The following ANK3 variants were observed in gnomAD, a reference collection of about 807,000 sequenced individuals.
ANK3 encodes ankyrin 3.
Under a neutral mutation model 370.9 loss-of-function variants are expected in ANK3, and 57 were observed. That is an observed-to-expected ratio of 0.15 (90% CI 0.12 to 0.19). The LOEUF is 0.19. Ranked by LOEUF, ANK3 falls within the 10% of genes least tolerant of loss-of-function variation. The probability of loss-of-function intolerance (pLI) is 1.00; values close to 1 mark genes in which losing one functional copy is unlikely to be tolerated. For missense variants in ANK3, 4,439 were observed against 5,302.1 expected (o/e 0.84, Z 5.06); for synonymous variants, 1,929 against 1,946.3 (o/e 0.99, Z 0.23).
chr10:60,387,558 G>T (rs2062565481), intron 1 of ANK3, among the ~76,000 whole-genome samples: 1 of 152,204 alleles, frequency 6.6e-6, no homozygotes, highest in East Asian at 1.9e-4. Context: ...CAACAGCAAT[G>T]AAAGTGTTAT....
chr10:60,106,302 A>C (rs1232482457), intron 27 of ANK3, among the ~76,000 whole-genome samples: 1 of 152,138 alleles, frequency 6.6e-6, no homozygotes, highest in East Asian at 1.9e-4. Flanking sequence ...ATAGGATTTA[A>C]TGGGGGAAAT....
At chr10:60,592,758 G>A (rs148259254) in intron 2 of ANK3, among the ~76,000 whole-genome samples, 1,570 of 152,070 alleles carry the variant, frequency 0.01, 33 homozygotes, top group African/African-American at 0.036. Context: ...GTGAGACTCC[G>A]TTTCAAAAAA....
intron 1 of ANK3, among the ~76,000 whole-genome samples, chr10:60,657,698 G>A (rs549125777): frequency 6.6e-6 from 1 of 152,162 alleles, no homozygotes; most frequent in South Asian, 2.1e-4. Flanking sequence ...TTCTGTAGTT[G>A]TGTGTCGTGT....
chr10:60,667,130 A>C (rs1214822923), intron 1 of ANK3, among the ~76,000 whole-genome samples: 3 of 149,802 alleles, frequency 2.0e-5, no homozygotes, highest in Admixed American at 1.3e-4. Flanking sequence ...ACACACACCA[A>C]TTTCTTCTTA....
At chr10:60,212,416 T>C (rs1304417308) in intron 9 of ANK3, among the ~76,000 whole-genome samples, 3 of 151,940 alleles carry the variant, frequency 2.0e-5, no homozygotes, top group African/African-American at 7.3e-5. Flanking sequence ...GCTTAGAAGA[T>C]AGCAGTGGAG....
At chr10:60,699,478 AC>A (rs1677263059) in intron 1 of ANK3, among the ~76,000 whole-genome samples, 1 of 152,078 alleles carries the variant, frequency 6.6e-6, no homozygotes, top group Non-Finnish European at 1.5e-5. Flanking sequence ...CAATTGTGCT[AC>A]TTATATAGAA....
At chr10:60,608,990 T>C (rs2078166451) in intron 2 of ANK3, among the ~76,000 whole-genome samples, 1 of 152,192 alleles carries the variant, frequency 6.6e-6, no homozygotes, top group Non-Finnish European at 1.5e-5. Context: ...TGATTTTCTA[T>C]GTTTTAGCAT....
At chr10:60,255,896 G>T (rs2097727663) in intron 7 of ANK3, among the ~76,000 whole-genome samples, 1 of 152,078 alleles carries the variant, frequency 6.6e-6, no homozygotes, top group African/African-American at 2.4e-5. Flanking sequence ...TCCTCACTGG[G>T]GCCCAGAGGT....
chr10:60,222,361 C>G (rs2097074826), intron 8 of ANK3, among the ~76,000 whole-genome samples: 1 of 151,180 alleles, frequency 6.6e-6, no homozygotes, highest in Non-Finnish European at 1.5e-5. Context: ...TGGGCAAGAC[C>G]AGCTGATCCA....
chr10:60,534,434 G>A (rs376226338), intron 2 of ANK3, among the ~76,000 whole-genome samples: 4 of 151,920 alleles, frequency 2.6e-5, no homozygotes, highest in Admixed American at 2.0e-4. Context: ...TCAACTACAC[G>A]GTAAAAGATA....
chr10:60,411,621 G>T (rs570059588), intron 2 of ANK3, among the ~76,000 whole-genome samples: 98 of 152,232 alleles, frequency 6.4e-4, no homozygotes, highest in Non-Finnish European at 1.1e-3. Context: ...TGTAGAAGTA[G>T]GAATAGAAAT....
intron 2 of ANK3, among the ~76,000 whole-genome samples, chr10:60,545,441 G>GAA (rs397723698): frequency 0.013 from 1,935 of 148,358 alleles, 39 homozygotes; most frequent in African/African-American, 0.043. Flanking sequence ...CTAATCAAAT[G>GAA]AAAAAAAAAA....
Position 60,106,010 on chromosome 10 carries a change from T to C in ANK3, c.3223A>G (p.Arg1075Gly), listed in dbSNP as rs1464566636. The change falls in exon 28 of 44, where the codon AGA becomes GGA. Residue 1075 changes from arginine to glycine, a missense_variant. Arg to Gly is a moderately radical substitution (Grantham distance 125). This residue lies in a region of ANK3 where 702 missense variants were observed against 941.5 expected (regional missense o/e 0.75). Transcript: ENST00000280772. ...PHFGSMRGKE[R>G]ELIVLRSENG... ...TCACTTCGAAGAACAATGAGTTCTCTCTCTTTTCCTCTCATGGACCCAAAG... is the reference window on the plus strand; with the variant it reads ...TCACTTCGAAGAACAATGAGTTCTCCCTCTTTTCCTCTCATGGACCCAAAG... 6.2e-7 allele frequency: 1 copy of C among 1,612,664 alleles called. No individual in the cohort carries two copies. The highest frequency in any genetic ancestry group is 1.7e-5 in the Admixed American group (1 of 59,840).
intron 28 of ANK3, among the ~76,000 whole-genome samples, chr10:60,101,210 C>G (rs1290994638): frequency 6.6e-6 from 1 of 152,138 alleles, no homozygotes; most frequent in Non-Finnish European, 1.5e-5. Context: ...TCCATTTGTA[C>G]TAATTTTATT....
chr10:60,292,452 C>T (rs983248191), intron 1 of ANK3, among the ~76,000 whole-genome samples: 1 of 150,860 alleles, frequency 6.6e-6, no homozygotes, highest in African/African-American at 2.4e-5. Flanking sequence ...TCTTAATACA[C>T]GCTAATGGAA....
At chr10:60,471,663 C>A (rs1209632688) in intron 2 of ANK3, among the ~76,000 whole-genome samples, 1 of 151,952 alleles carries the variant, frequency 6.6e-6, no homozygotes, top group Non-Finnish European at 1.5e-5. Context: ...AAAAATATTG[C>A]CAAATTGCCT....
At chr10:60,181,742 G>T (rs1217872465) in intron 17 of ANK3, among the ~76,000 whole-genome samples, 1 of 152,006 alleles carries the variant, frequency 6.6e-6, no homozygotes, top group Non-Finnish European at 1.5e-5. Context: ...GTAGGTGGAG[G>T]TTGCAGTGAG....
intron 16 of ANK3, among the ~76,000 whole-genome samples, chr10:60,194,053 A>T (rs1443470702): frequency 6.6e-6 from 1 of 151,218 alleles, no homozygotes; most frequent in Non-Finnish European, 1.5e-5. Flanking sequence ...CCCAGGAGGC[A>T]GAGGTTGCAG....
chr10:60,572,225 G>T (rs6479718), intron 2 of ANK3, among the ~76,000 whole-genome samples: 72,695 of 151,916 alleles, frequency 0.48, 17,695 homozygotes, highest in Non-Finnish European at 0.52. Context: ...AACACACCAC[G>T]TCAGTGAAAT....
Sources: gnomAD v4.1 joint callset for allele counts (sites outside exome capture counted in the v4.1 genomes callset) on GRCh38, gnomAD v4.1.1 for gene constraint, gnomAD v4.1.1 regional missense constraint, MANE v1.5 for transcripts, NCBI Gene and HGNC (gene_info 2026-07-23, HGNC 2026-07-21) for gene names.